Variants in MRPS10 observed in about 807,000 individuals in gnomAD.
MRPS10 encodes the protein small ribosomal subunit protein uS10m.
MRPS10 carries 23 observed loss-of-function variants against 27.5 expected under a neutral mutation model. The observed-to-expected ratio is 0.84, with a 90% CI of 0.60 to 1.18. The LOEUF is 1.18. Ranked by LOEUF, MRPS10 falls within the 50% of genes most tolerant of loss-of-function variation. MRPS10 has a pLI of 0.00. For missense variants in MRPS10, 237 were observed against 240.1 expected (o/e 0.99, Z 0.09); for synonymous variants, 88 against 84.2 (o/e 1.04, Z -0.25).
Position 42,208,857 on chromosome 6 carries a change from C to T in MRPS10, c.522+1G>A, listed in dbSNP as rs377087547. On this transcript the variant is annotated splice_donor_variant, in intron 6 of 6. Coordinates refer to ENST00000053468, the MANE Select transcript of MRPS10 (RefSeq NM_018141.4). LOFTEE classifies it high-confidence loss of function. ...GAAAGAGGCAGAAATTCAAGCTATA[C>T]CTTTGTTACTTCCATGGCAACCCCT... 26 of 1,595,552 alleles carry T rather than the reference C, an allele frequency of 1.6e-5. No homozygotes were observed. Among genetic ancestry groups the T allele is most frequent in the Non-Finnish European group, 2.1e-5 (24 of 1,164,348 alleles).
intron 3 of MRPS10, among the ~76,000 whole-genome samples, chr6:42,213,879 G>C (rs890435551): frequency 1.3e-5 from 2 of 152,206 alleles, no homozygotes; most frequent in Non-Finnish European, 2.9e-5. Flanking sequence ...CTAAAAGCAA[G>C]AGACTACTAA....
At chr6:42,209,796 TATTA>T (rs1489291598) in intron 5 of MRPS10, among the ~76,000 whole-genome samples, 1 of 149,652 alleles carries the variant, frequency 6.7e-6, no homozygotes, top group East Asian at 2.0e-4. Context: ...ACCATGACTT[TATTA>T]TATTTGTGCC....
intron 3 of MRPS10, among the ~76,000 whole-genome samples, chr6:42,213,609 A>G (rs1768842567): frequency 1.3e-5 from 2 of 152,170 alleles, no homozygotes; most frequent in South Asian, 4.1e-4. Flanking sequence ...GTGGAAATGA[A>G]AGGATTTTTA....
rs1428778727 is a variant in MRPS10, at chr6:42,208,082, G to C, written c.*207C>G. 1.8e-6 allele frequency: 1 copy of C among 558,168 alleles called. No homozygotes were observed. Among genetic ancestry groups the C allele is most frequent in the Non-Finnish European group, 3.1e-6 (1 of 320,350 alleles). 34.6% of individuals were successfully genotyped at this position (558,168 alleles called of 1,614,324 possible). A position where few individuals can be genotyped will look rare whatever the true frequency, so the allele number is the denominator to read the frequency against. On this transcript the variant is annotated 3_prime_UTR_variant, in exon 7 of 7. Transcript: ENST00000053468. ...GGTTTGCTCATGTTTGCTGAAATCA[G>C]AACTGAAACAATGAATAAAAAGAAT...
In MRPS10 at chr6:42,211,889, AAT is replaced by A; in HGVS notation, c.213_214del (p.Leu72IlefsTer2). The A allele has an allele frequency of 6.2e-7, 1 of 1,613,878 alleles. No homozygotes were observed. Among genetic ancestry groups the A allele is most frequent in the Non-Finnish European group, 8.5e-7 (1 of 1,179,904 alleles). ...CACCAAAACCGAGAGGCGCTTATAT[AAT>A]ATGTCTGGTTCATCAGAGATTGTTA... On this transcript the variant is annotated frameshift_variant, in exon 4 of 7. Transcript: ENST00000053468. LOFTEE classifies it high-confidence loss of function.
chr6:42,215,441 T>C (rs150431807), intron 1 of MRPS10, among the ~76,000 whole-genome samples: 25 of 152,102 alleles, frequency 1.6e-4, no homozygotes, highest in African/African-American at 4.1e-4. Flanking sequence ...TGTTTGTTTT[T>C]TCAGGGTTTT....
At chr6:42,216,240 T>C (rs995438310) in intron 1 of MRPS10, among the ~76,000 whole-genome samples, 5 of 151,526 alleles carry the variant, frequency 3.3e-5, no homozygotes, top group African/African-American at 1.2e-4. Flanking sequence ...GCCAGGATGG[T>C]CTTGATCTCC....
chr6:42,216,010 CTTTTTTTTTTCTTTTCTTTT>C (rs1309744677), intron 1 of MRPS10, among the ~76,000 whole-genome samples: 1,640 of 129,130 alleles, frequency 0.013, 22 homozygotes, highest in African/African-American at 0.041. Context: ...TTTTTCTTTT[CTTTTTTTTTTCTTTTCTTTT>C]TTTTTTTTTT....
chr6:42,210,548 C>T lies in MRPS10; in HGVS notation c.372G>A (p.Val124=), dbSNP rs1768746718. ...KIERFTLLQS[V]HIYKKHRVQY... ...GAACTCTGTGCTTCTTGTAAATATG[C>T]ACTGATTGGAGAAGAGTAAATCGCT... is the stretch of plus-strand genomic sequence containing the variant. The change falls in exon 5 of 7, where the codon GTG becomes GTA. Residue 124 remains valine (V), a synonymous_variant. Coordinates refer to ENST00000053468, the MANE Select transcript of MRPS10 (RefSeq NM_018141.4). The T allele has an allele frequency of 1.3e-6, 2 of 1,537,618 alleles. No homozygotes were observed. Among genetic ancestry groups the T allele is most frequent in the South Asian group, 2.4e-5 (2 of 84,704 alleles).
intron 1 of MRPS10, 44 bp from the exon 2 acceptor site, chr6:42,214,388 C>G: frequency 7.1e-7 from 1 of 1,407,830 alleles, no homozygotes; most frequent in Non-Finnish European, 9.9e-7. Flanking sequence ...TTAAAGTCAA[C>G]TACCAAACCA....
intron 1 of MRPS10, among the ~76,000 whole-genome samples, chr6:42,215,776 A>T (rs1768907487): frequency 6.6e-6 from 1 of 152,160 alleles, no homozygotes; most frequent in South Asian, 2.1e-4. Flanking sequence ...CTTACCCAAG[A>T]TAGAGACAAA....
At chr6:42,214,026 T>G in intron 3 of MRPS10, 94 bp downstream of exon 3, 1 of 1,044,280 alleles carries the variant, frequency 9.6e-7, no homozygotes, top group South Asian at 1.6e-5. Flanking sequence ...ATTTTTTTAT[T>G]CATAGAGTGT....
intron 6 of MRPS10, 107 bp downstream of exon 6, chr6:42,208,751 G>T: frequency 1.3e-6 from 1 of 776,624 alleles, no homozygotes; most frequent in Non-Finnish European, 2.1e-6. Flanking sequence ...CACAGTTTAG[G>T]GCAAACTCTA....
At position 42,211,567 on chromosome 6, in the gene MRPS10, G is replaced by C. The variant is rs7748868; in HGVS notation, c.323+214C>G. On this transcript the variant is annotated intron_variant, in intron 4 of 6. Transcript: ENST00000053468. Reference sequence around the variant, plus strand: ...GTGGTGGCATGCGCCTGTAGTCCCAGCTATTCGGGAGGCTGAGAACTGCTT... The same window carrying C: ...GTGGTGGCATGCGCCTGTAGTCCCACCTATTCGGGAGGCTGAGAACTGCTT... Among the ~76,000 whole-genome samples, 4,108 of 151,678 alleles carry C rather than the reference G, an allele frequency of 0.027. 178 individuals carry two copies. Among genetic ancestry groups the C allele is most frequent in the African/African-American group, 0.092 (3,815 of 41,360 alleles).
chr6:42,216,662 C>T (rs13197564), intron 1 of MRPS10, among the ~76,000 whole-genome samples: 82,174 of 150,770 alleles, frequency 0.55, 24,246 homozygotes, highest in East Asian at 0.82. Flanking sequence ...CATACAAATA[C>T]TAGCTGGGCA....
intron 1 of MRPS10, 112 bp downstream of exon 1, chr6:42,217,690 G>A: frequency 1.9e-6 from 2 of 1,080,746 alleles, no homozygotes; most frequent in Non-Finnish European, 2.8e-6. Context: ...AACGGCGCGA[G>A]GTGAGGGATA....
chr6:42,216,010 CTTTTTTTTTTCTTTTCTTT>C (rs376880543), intron 1 of MRPS10, among the ~76,000 whole-genome samples: 65,609 of 127,002 alleles, frequency 0.52, 18,271 homozygotes, highest in East Asian at 0.81. Context: ...TTTTTCTTTT[CTTTTTTTTTTCTTTTCTTT>C]TTTTTTTTTT....
chr6:42,211,673 CAAAAAA>C, intron 4 of MRPS10, 102 bp downstream of exon 4: 27 of 674,788 alleles, frequency 4.0e-5, no homozygotes, highest in Non-Finnish European at 4.8e-5. Context: ...GACTCTGTCT[CAAAAAA>C]AAAAAAAAAA....
At chr6:42,213,874 A>C (rs1287020806) in intron 3 of MRPS10, among the ~76,000 whole-genome samples, 1 of 152,268 alleles carries the variant, frequency 6.6e-6, no homozygotes, top group Non-Finnish European at 1.5e-5. Flanking sequence ...CCAAGCTAAA[A>C]GCAAGAGACT....
Sources: gnomAD v4.1 joint callset for allele counts (sites outside exome capture counted in the v4.1 genomes callset) on GRCh38, gnomAD v4.1.1 for gene constraint, MANE v1.5 for transcripts, NCBI Gene and HGNC (gene_info 2026-07-23, HGNC 2026-07-21) for gene names.